Variants in RAX observed in about 807,000 individuals in gnomAD.
RAX encodes retina and anterior neural fold homeobox, also known as retinal homeobox protein Rx.
RAX carries 11 observed loss-of-function variants against 17.4 expected under a neutral mutation model. That is an observed-to-expected ratio of 0.63 (90% CI 0.40 to 1.05). The LOEUF (loss-of-function observed/expected upper bound fraction) is 1.05. RAX is among the 50% of genes least tolerant of loss of function. The pLI is 0.00. For synonymous variants in RAX, 276 were observed against 254.7 expected (o/e 1.08, Z -0.80); for missense variants, 527 against 501.1 (o/e 1.05, Z -0.49).
At position 59,270,572 on chromosome 18, in the gene RAX, A is replaced by G. The variant is rs137970939; in HGVS notation, c.544-1071T>C. Reference sequence around the variant, plus strand: ...TAGAGAACACAAAAGAATTTCAGCCAAACTGGTGGCTTTAGTGCTATATTT... The same window carrying G: ...TAGAGAACACAAAAGAATTTCAGCCGAACTGGTGGCTTTAGTGCTATATTT... On this transcript the variant is annotated intron_variant, in intron 2 of 2. Coordinates refer to ENST00000334889, the MANE Select transcript of RAX (RefSeq NM_013435.3). 2.0e-3 allele frequency among the ~76,000 whole-genome samples: 306 copies of G among 152,340 alleles called. 8 individuals carry two copies. In the East Asian group the frequency reaches 0.042, roughly 21 times the overall value.
intron 2 of RAX, 52 bp downstream of exon 2, chr18:59,272,309 A>C: frequency 1.9e-6 from 3 of 1,613,436 alleles, no homozygotes; most frequent in Middle Eastern, 1.6e-4. Context: ...ATTGGCTGCA[A>C]TTTGGGCCTC....
At chr18:59,270,156 G>T (rs920011569) in intron 2 of RAX, among the ~76,000 whole-genome samples, 6 of 152,172 alleles carry the variant, frequency 3.9e-5, no homozygotes, top group Admixed American at 3.9e-4. Context: ...CTCTTTTCAC[G>T]GATTACTGGT....
chr18:59,270,390 GCTT>G (rs1568097141), intron 2 of RAX, among the ~76,000 whole-genome samples: 1 of 151,970 alleles, frequency 6.6e-6, no homozygotes, highest in Admixed American at 6.5e-5. Context: ...AAGGTTTTTT[GCTT>G]CTTCTTCTTT....
Position 59,273,264 on chromosome 18 carries a change from G to C in RAX, c.-58C>G, listed in dbSNP as rs1026113069. 19 of 1,478,766 alleles carry C rather than the reference G, an allele frequency of 1.3e-5. No individual in the cohort carries two copies. Among genetic ancestry groups the C allele is most frequent in the Non-Finnish European group, 1.7e-5 (19 of 1,114,822 alleles). The allele number at this position is 1,478,766 out of a possible 1,614,324, so 91.6% of individuals were successfully genotyped here. On this transcript the variant is annotated 5_prime_UTR_variant, in exon 1 of 3. Transcript: ENST00000334889. ...AGACGGAGAGGAGAGGCTCGAAGCCGGGTCTTCCCGAGTGCGGCGGTGCAA... is the reference window on the plus strand; with the variant it reads ...AGACGGAGAGGAGAGGCTCGAAGCCCGGTCTTCCCGAGTGCGGCGGTGCAA...
intron 2 of RAX, among the ~76,000 whole-genome samples, chr18:59,271,256 A>T (rs905564722): frequency 6.6e-6 from 1 of 152,274 alleles, no homozygotes; most frequent in Non-Finnish European, 1.5e-5. Context: ...CTTTGCTTGG[A>T]TTCTGTAGGG....
intron 2 of RAX, 125 bp from the exon 3 acceptor site, chr18:59,269,626 G>C (rs1031858822): frequency 9.5e-7 from 1 of 1,056,980 alleles, no homozygotes; most frequent in Non-Finnish European, 1.3e-6. Flanking sequence ...GGGCGCAACT[G>C]TTATGCATGT....
Position 59,268,691 on chromosome 18 carries a change from C to T in RAX, c.*313G>A. On this transcript the variant is annotated 3_prime_UTR_variant, in exon 3 of 3. Transcript: ENST00000334889. This position sits in a 1 kb window ranked among gnomAD's most constrained non-coding sequence, Gnocchi z 4.4. Reference sequence around the variant, plus strand: ...GTTTAGGAGCTTCAGCCTGTTTGGGCCTGGAGGCTCCAGCGCCTGCGGTGA... The same window carrying T: ...GTTTAGGAGCTTCAGCCTGTTTGGGTCTGGAGGCTCCAGCGCCTGCGGTGA... The T allele has an allele frequency of 3.8e-6, 2 of 519,602 alleles. No homozygotes were observed. The allele number at this position is 519,602 out of a possible 1,614,324, so 32.2% of individuals were successfully genotyped here. A position where few individuals can be genotyped will look rare whatever the true frequency, so the allele number is the denominator to read the frequency against.
chr18:59,268,970 C>T lies in RAX; in HGVS notation c.*34G>A, dbSNP rs1189044908. 6.2e-7 allele frequency: 1 copy of T among 1,612,748 alleles called. No homozygotes were observed. Among genetic ancestry groups the T allele is most frequent in the Non-Finnish European group, 8.5e-7 (1 of 1,179,816 alleles). On this transcript the variant is annotated 3_prime_UTR_variant, in exon 3 of 3. Coordinates refer to ENST00000334889, the MANE Select transcript of RAX (RefSeq NM_013435.3). The surrounding 1 kb of genome is among the most constrained non-coding windows in gnomAD (Gnocchi z 4.4). ...AGGATGCGGGTACGGTGCGGTCGGC[C>T]CGGGGTCGGATCCCAAGACGTTCCC...
Position 59,269,487 on chromosome 18 carries a change from G to T in RAX, c.558C>A (p.Asn186Lys), listed in dbSNP as rs1291862570. The change falls in exon 3 of 3, where the codon AAC (asparagine) becomes AAA (lysine). Residue 186 changes from asparagine to lysine, a missense_variant. Transcript: ENST00000334889. ...PEVRVQVWFQ[N>K]RRAKWRRQEK... Reference sequence around the variant, plus strand: ...CCTGCCGCCGCCACTTAGCCCGTCGGTTCTGGAACCACACCTGCAGGAGAG... The same window carrying T: ...CCTGCCGCCGCCACTTAGCCCGTCGTTTCTGGAACCACACCTGCAGGAGAG... 1 of 1,596,730 alleles carries T rather than the reference G, an allele frequency of 6.3e-7. No homozygotes were observed. Among genetic ancestry groups the T allele is most frequent in the Non-Finnish European group, 8.5e-7 (1 of 1,179,328 alleles).
chr18:59,269,328 C>T lies in RAX; in HGVS notation c.717G>A (p.Leu239=), dbSNP rs1251309866. ...GSGGGPAGGA[L]PLESWLGPPL... is the part of the protein sequence containing the mutation. ...GCGGCCCGAGCCAGGACTCCAGCGG[C>T]AGCGCGCCCCCAGCCGGCCCGCCAC... Residue 239 remains leucine (L), a synonymous_variant, in exon 3 of 3, where the codon CTG becomes CTA. Transcript: ENST00000334889. 3.1e-6 allele frequency: 4 copies of T among 1,301,662 alleles called. No individual in the cohort carries two copies. Among genetic ancestry groups the T allele is most frequent in the Non-Finnish European group, 3.9e-6 (4 of 1,031,122 alleles). The allele number at this position is 1,301,662 out of a possible 1,614,324, so 80.6% of individuals were successfully genotyped here. A position where few individuals can be genotyped will look rare whatever the true frequency, so the allele number is the denominator to read the frequency against.
intron 2 of RAX, among the ~76,000 whole-genome samples, chr18:59,271,897 C>A (rs538204171): frequency 6.8e-4 from 103 of 152,304 alleles, no homozygotes; most frequent in Admixed American, 1.5e-3. Context: ...TAAATCCACC[C>A]GAAGTTTCAA....
rs1481712814 is a variant in RAX at position 59,269,221 on chromosome 18, G to A, written c.824C>T (p.Thr275Met). 5.2e-6 allele frequency: 8 copies of A among 1,525,712 alleles called. No individual in the cohort carries two copies. In the East Asian group the frequency reaches 1.0e-4, roughly 19 times the overall value. 94.5% of individuals were successfully genotyped at this position (1,525,712 alleles called of 1,614,324 possible). The part of the protein sequence containing the change: ...PPAQSLPASY[T>M]PPPPPPPFLN... ...GAAGGGCGGAGGCGGCGGCGGTGGCGTGTAGCTGGCAGGCAGGCTCTGCGC... is the reference window on the plus strand; with the variant it reads ...GAAGGGCGGAGGCGGCGGCGGTGGCATGTAGCTGGCAGGCAGGCTCTGCGC... Residue 275 changes from threonine (T) to methionine (M), a missense_variant, in exon 3 of 3, where the codon ACG (threonine) becomes ATG (methionine). Thr to Met is a moderately conservative substitution (Grantham distance 81). Transcript: ENST00000334889.
In RAX at chr18:59,268,996, C is replaced by T. The variant is rs1327691078; in HGVS notation, c.*8G>A. ...CGGGGTCGGATCCCAAGACGTTCCC[C>T]AGTGCCCCTAGAGGGCCTGCCACGG... On this transcript the variant is annotated 3_prime_UTR_variant, in exon 3 of 3. Coordinates refer to ENST00000334889, the MANE Select transcript of RAX (RefSeq NM_013435.3). This position sits in a 1 kb window ranked among gnomAD's most constrained non-coding sequence, Gnocchi z 4.4. The T allele has an allele frequency of 6.2e-7, 1 of 1,612,954 alleles. No individual in the cohort carries two copies. Among genetic ancestry groups the T allele is most frequent in the South Asian group, 1.1e-5 (1 of 91,084 alleles).
In RAX at chr18:59,273,090, C is replaced by T. The variant is rs544130306; in HGVS notation, c.117G>A (p.Leu39=). The T allele has an allele frequency of 3.1e-5, 47 of 1,535,148 alleles. No homozygotes were observed. The South Asian group carries it at 4.9e-4, about 16-fold the overall frequency. ...TSRLHSIEAI[L]GFTKDDGILG... is the part of the protein sequence containing the mutation. ...GGATCCCGTCGTCCTTGGTAAACCC[C>T]AGGATGGCCTCGATGCTGTGAAGTC... The change falls in exon 1 of 3, where the codon CTG becomes CTA. Residue 39 remains leucine (L), a synonymous_variant. Transcript: ENST00000334889.
rs772117231 is a variant in RAX, at chr18:59,269,103, C to A, written c.942G>T (p.Pro314=). The A allele has an allele frequency of 6.8e-6, 11 of 1,611,154 alleles. No individual in the cohort carries two copies. In the Admixed American group the frequency reaches 1.2e-4, roughly 17 times the overall value. Residue 314 remains proline (P), a synonymous_variant, in exon 3 of 3, where the codon CCG becomes CCT. Coordinates refer to ENST00000334889, the MANE Select transcript of RAX (RefSeq NM_013435.3). ...TGTTGCGCGGGTCCGCCTCGTCCAG[C>A]GGGAACTTGTCCCCGAAGCCGGGCC... ...PCGPGFGDKF[P]LDEADPRNSS... is the part of the protein sequence containing the mutation.
chr18:59,269,264 G>T lies in RAX; in HGVS notation c.781C>A (p.Pro261Thr). The change falls in exon 3 of 3, where the codon CCG (proline) becomes ACG (threonine). Residue 261 changes from proline (P) to threonine (T), a missense_variant. By Grantham distance (38) the Pro-to-Thr change is conservative. Transcript: ENST00000334889. ...CTCTGCGCCGGCGGCCCGAAGCCCG[G>T]CAGGCTCTGCAGCGCCGTGGCGCCC... Reference protein sequence around the residue: ...GGGATALQSLPGFGPPAQSLP... With the variant: ...GGGATALQSLTGFGPPAQSLP... 1 of 1,481,194 alleles carries T rather than the reference G, an allele frequency of 6.8e-7. No individual in the cohort carries two copies. Among genetic ancestry groups the T allele is most frequent in the South Asian group, 1.3e-5 (1 of 77,792 alleles). The allele number at this position is 1,481,194 out of a possible 1,614,324, so 91.8% of individuals were successfully genotyped here. A position where few individuals can be genotyped will look rare whatever the true frequency, so the allele number is the denominator to read the frequency against.
At chr18:59,272,777 A>T in intron 1 of RAX, 141 bp downstream of exon 1, 1 of 1,369,530 alleles carries the variant, frequency 7.3e-7, no homozygotes, top group Non-Finnish European at 9.7e-7. Context: ...TCTGAATGCA[A>T]ATTGGAAGCT....
rs774824322 is a variant in RAX at position 59,273,231 on chromosome 18, C to G, written c.-25G>C. ...TGGGGAGCGCCGGGAGGCGGGAGGG[C>G]GCTTTGGAGACGGAGAGGAGAGGCT... On this transcript the variant is annotated 5_prime_UTR_variant, in exon 1 of 3. Transcript: ENST00000334889. 1.5e-5 allele frequency: 23 copies of G among 1,520,048 alleles called. No homozygotes were observed. The highest frequency in any genetic ancestry group is 1.9e-5 in the Non-Finnish European group (22 of 1,139,710). The allele number at this position is 1,520,048 out of a possible 1,614,324, so 94.2% of individuals were successfully genotyped here.
At position 59,269,324 on chromosome 18, in the gene RAX, G is replaced by T; in HGVS notation, c.721C>A (p.Leu241Met). The change falls in exon 3 of 3, where the codon CTG becomes ATG. Residue 241 changes from leucine (L) to methionine (M), a missense_variant. Coordinates refer to ENST00000334889, the MANE Select transcript of RAX (RefSeq NM_013435.3). The stretch of plus-strand genomic sequence containing the variant: ...AGCGGCGGCCCGAGCCAGGACTCCA[G>T]CGGCAGCGCGCCCCCAGCCGGCCCG... ...GGGPAGGALP[L>M]ESWLGPPLPG... 7.7e-7 allele frequency: 1 copy of T among 1,300,132 alleles called. No homozygotes were observed. The highest frequency in any genetic ancestry group is 9.7e-7 in the Non-Finnish European group (1 of 1,030,194). 80.5% of individuals were successfully genotyped at this position (1,300,132 alleles called of 1,614,324 possible).
Sources: gnomAD v4.1 joint callset for allele counts (sites outside exome capture counted in the v4.1 genomes callset) on GRCh38, gnomAD v4.1.1 for gene constraint, Gnocchi (gnomAD v3.1) non-coding constraint, MANE v1.5 for transcripts, NCBI Gene and HGNC (gene_info 2026-07-23, HGNC 2026-07-21) for gene names.